The following SIN3B variants were observed in gnomAD, a reference collection of about 807,000 sequenced individuals.
SIN3B encodes paired amphipathic helix protein Sin3b.
Under a neutral mutation model 120.2 loss-of-function variants are expected in SIN3B, and 19 were observed. The ratio of observed to expected loss-of-function variants is 0.16; its 90% CI spans 0.11 to 0.23. The LOEUF is 0.23. Among genes scored for constraint, SIN3B ranks in the 10% least tolerant of loss-of-function variants. SIN3B has a pLI of 1.00. For missense variants in SIN3B, 1,073 were observed against 1,573.0 expected (o/e 0.68, Z 5.38); for synonymous variants, 654 against 653.2 (o/e 1.00, Z -0.02).
In SIN3B at chr19:16,865,482, A is replaced by T. The variant is rs945798851; in HGVS notation, c.1456A>T (p.Met486Leu). The T allele has an allele frequency of 6.2e-7, 1 of 1,609,124 alleles. No homozygotes were observed. Among genetic ancestry groups the T allele is most frequent in the Non-Finnish European group, 8.5e-7 (1 of 1,177,848 alleles). Residue 486 changes from methionine to leucine, a missense_variant, in exon 11 of 19, where the codon ATG becomes TTG. Around this residue, in one of 7 missense-constraint regions of SIN3B, gnomAD observed 118 missense variants for 281.6 expected, o/e 0.42. Coordinates refer to ENST00000248054, the MANE Select transcript of SIN3B (RefSeq NM_001297595.2). ...LESVQKKLSR[M>L]APEDQEKFRL... Reference sequence around the variant, plus strand: ...AAGTGTGCAGAAGAAGCTGTCTCGGATGGCGCCGGAAGACCAGGAGAAGTT... The same window carrying T: ...AAGTGTGCAGAAGAAGCTGTCTCGGTTGGCGCCGGAAGACCAGGAGAAGTT...
intron 5 of SIN3B, among the ~76,000 whole-genome samples, chr19:16,847,632 T>C (rs1011505971): frequency 1.3e-5 from 2 of 152,134 alleles, no homozygotes; most frequent in Admixed American, 6.5e-5. Context: ...TAGACAGGGC[T>C]CAGGGCTCAC....
rs1169156422 is a variant in SIN3B, at chr19:16,870,021, G to A, written c.2368G>A (p.Gly790Ser). The stretch of plus-strand genomic sequence containing the variant: ...GGAGCGGGAGAAGCTGCTGTGTGAG[G>A]GCCGCAGGGAGAAGGGCAGCGACCC... Reference protein sequence around the residue: ...EKEREKLLCEGRREKGSDPAM... With the variant: ...EKEREKLLCESRREKGSDPAM... The change falls in exon 13 of 19, where the codon GGC becomes AGC. Residue 790 changes from glycine (G) to serine (S), a missense_variant. Coordinates refer to ENST00000248054, the MANE Select transcript of SIN3B (RefSeq NM_001297595.2). 3 of 1,612,324 alleles carry A rather than the reference G, an allele frequency of 1.9e-6. No individual in the cohort carries two copies. The highest frequency in any genetic ancestry group is 2.5e-6 in the Non-Finnish European group (3 of 1,179,216).
At chr19:16,853,917 A>G (rs1971578505) in intron 7 of SIN3B, among the ~76,000 whole-genome samples, 2 of 147,558 alleles carry the variant, frequency 1.4e-5, no homozygotes, top group Non-Finnish European at 3.0e-5. Context: ...ATTGCTACAC[A>G]GATTATGTGC....
chr19:16,868,476 G>T (rs1971809312), intron 12 of SIN3B, among the ~76,000 whole-genome samples: 1 of 152,248 alleles, frequency 6.6e-6, no homozygotes, highest in Admixed American at 6.5e-5. Context: ...TGCCAGGACA[G>T]TGGTGTGGGA....
chr19:16,875,187 TG>T (rs2051574864), intron 14 of SIN3B, among the ~76,000 whole-genome samples: 1 of 145,808 alleles, frequency 6.9e-6, no homozygotes, highest in Non-Finnish European at 1.5e-5. Context: ...CTGTTTGGTC[TG>T]GTCTGGTCTG....
intron 5 of SIN3B, among the ~76,000 whole-genome samples, chr19:16,850,982 A>G (rs1040903462): frequency 3.3e-5 from 5 of 152,200 alleles, no homozygotes; most frequent in East Asian, 1.9e-4. Context: ...GGCCCCCACC[A>G]GTGCCCTGGC....
intron 12 of SIN3B, among the ~76,000 whole-genome samples, chr19:16,867,498 G>A (rs887498358): frequency 2.0e-5 from 3 of 152,148 alleles, no homozygotes; most frequent in African/African-American, 7.2e-5. Context: ...GGTGCCGGGC[G>A]TGGTGATAGC....
Position 16,870,081 on chromosome 19 carries a change from G to A in SIN3B, c.2422+6G>A. ...GCTGCGGCTGAAGCAGCCCAGTAAG[G>A]CTCCAAAGCCTGCCGGGAGGCCCCG... On this transcript the variant is annotated splice_donor_region_variant and intron_variant, in intron 13 of 18. Coordinates refer to ENST00000248054, the MANE Select transcript of SIN3B (RefSeq NM_001297595.2). The A allele has an allele frequency of 1.3e-6, 2 of 1,583,422 alleles. No individual in the cohort carries two copies. The highest frequency in any genetic ancestry group is 1.7e-6 in the Non-Finnish European group (2 of 1,163,324).
intron 14 of SIN3B, 103 bp from the exon 15 acceptor site, chr19:16,875,952 T>G: frequency 1.5e-6 from 2 of 1,350,224 alleles, no homozygotes; most frequent in Non-Finnish European, 2.0e-6. Context: ...TCATGCACTC[T>G]CCATCCTGAT....
At chr19:16,835,308 A>G (rs1971333935) in intron 3 of SIN3B, among the ~76,000 whole-genome samples, 1 of 146,940 alleles carries the variant, frequency 6.8e-6, no homozygotes, top group Non-Finnish European at 1.5e-5. Flanking sequence ...GGCTCGCTGC[A>G]TCCTCTGCCT....
Position 16,869,758 on chromosome 19 carries a change from C to T in SIN3B, c.2105C>T (p.Ala702Val), listed in dbSNP as rs747009462. The change falls in exon 13 of 19, where the codon GCG becomes GTG. Residue 702 changes from alanine (A) to valine (V), a missense_variant. Coordinates refer to ENST00000248054, the MANE Select transcript of SIN3B (RefSeq NM_001297595.2). ...TTDPSERKKP[A>V]PGPHSSPPEE... ...GACCCCAGTGAGCGGAAGAAGCCGG[C>T]GCCAGGACCCCACAGTAGCCCCCCA... 2.8e-5 allele frequency: 45 copies of T among 1,613,316 alleles called. No individual in the cohort carries two copies. Among genetic ancestry groups the T allele is most frequent in the Non-Finnish European group, 3.6e-5 (42 of 1,179,898 alleles).
chr19:16,832,975 C>T (rs768379134), intron 3 of SIN3B, among the ~76,000 whole-genome samples: 2 of 152,222 alleles, frequency 1.3e-5, no homozygotes, highest in Non-Finnish European at 2.9e-5. Context: ...CTTCCCAGTG[C>T]ATTGTGGGGT....
intron 6 of SIN3B, 72 bp from the exon 7 acceptor site, chr19:16,852,997 C>A: frequency 8.0e-7 from 1 of 1,245,562 alleles, no homozygotes; most frequent in Non-Finnish European, 1.2e-6. Context: ...CTTCTTGAGA[C>A]TCTGTGACAG....
intron 9 of SIN3B, chr19:16,863,323 CAGTGT>C: frequency 2.8e-6 from 1 of 361,234 alleles, no homozygotes; most frequent in Non-Finnish European, 5.0e-6. Flanking sequence ...TTTAAGAATG[CAGTGT>C]AACAATGATC....
At position 16,841,986 on chromosome 19, in the gene SIN3B, A is replaced by G. The variant is rs1195278635; in HGVS notation, c.582+18A>G. ...CGTACCAGGTAAGAACTCAGATTAC[A>G]ATTCCTTGTGGGTTTTGGATTTCAT... is the stretch of plus-strand genomic sequence containing the variant. On this transcript the variant is annotated intron_variant, in intron 4 of 18. Transcript: ENST00000248054. 1.2e-6 allele frequency: 2 copies of G among 1,602,776 alleles called. No homozygotes were observed. Among genetic ancestry groups the G allele is most frequent in the Non-Finnish European group, 1.7e-6 (2 of 1,170,286 alleles).
At chr19:16,865,312 C>CA (rs893705095) in intron 10 of SIN3B, 98 bp from the exon 11 acceptor site, 2 of 558,510 alleles carry the variant, frequency 3.6e-6, no homozygotes, top group Non-Finnish European at 6.6e-6. Flanking sequence ...ACACACCCCC[C>CA]CCCCAAAAAA....
chr19:16,829,925 G>C (rs1277092208), intron 2 of SIN3B, 28 bp downstream of exon 2: 1 of 1,541,534 alleles, frequency 6.5e-7, no homozygotes, highest in Non-Finnish European at 9.0e-7. Context: ...CTCCACCTCA[G>C]GGGACCCCCC....
At position 16,850,240 on chromosome 19, in the gene SIN3B, TA is replaced by T. The variant is rs539450310; in HGVS notation, c.727-1170del. 1.4e-3 allele frequency among the ~76,000 whole-genome samples: 220 copies of T among 152,232 alleles called. 2 individuals carry two copies. The South Asian group carries it at 0.021, about 14-fold the overall frequency. ...AAAATAGTATACACTAATGAAAAAA[TA>T]AGTATTAGCAAGAGTATCAAATTTT... On this transcript the variant is annotated intron_variant, in intron 5 of 18. Transcript: ENST00000248054.
intron 8 of SIN3B, among the ~76,000 whole-genome samples, chr19:16,860,532 C>G (rs369343955): frequency 6.7e-6 from 1 of 149,462 alleles, no homozygotes; most frequent in African/African-American, 2.5e-5. Flanking sequence ...CGTCGTTATG[C>G]GAGGGTGGGC....
Sources: allele counts gnomAD v4.1 joint callset (sites outside exome capture counted in the v4.1 genomes callset), GRCh38; gene constraint gnomAD v4.1.1; regional missense constraint gnomAD v4.1.1; transcripts MANE v1.5; gene names NCBI Gene and HGNC (gene_info 2026-07-23, HGNC 2026-07-21).